AOPEP: variants seen among roughly 807,000 people sequenced by gnomAD.
AOPEP encodes the protein aminopeptidase O.
AOPEP carries 77 observed loss-of-function variants against 98.1 expected under a neutral mutation model. That is an observed-to-expected ratio of 0.78 (90% CI 0.65 to 0.95). AOPEP has a LOEUF of 0.95. Ranked by LOEUF, AOPEP falls within the 40% of genes least tolerant of loss-of-function variation. The pLI is 0.00. For synonymous variants in AOPEP, 346 were observed against 365.3 expected, an observed-to-expected ratio of 0.95 and a Z score of 0.60; for missense variants, 1,024 against 1,024.7, an observed-to-expected ratio of 1.00 and a Z score of 0.01.
chr9:94,737,204 C>T (rs1831973987), intron 1 of AOPEP, among the ~76,000 whole-genome samples: 1 of 151,978 alleles, frequency 6.6e-6, no homozygotes, highest in Non-Finnish European at 1.5e-5. Context: ...CTCCTGGGCT[C>T]AAGCGATCCT....
intron 5 of AOPEP, among the ~76,000 whole-genome samples, chr9:94,874,523 T>C (rs1339435889): frequency 6.6e-6 from 1 of 152,222 alleles, no homozygotes; most frequent in Non-Finnish European, 1.5e-5. Flanking sequence ...GTAATTCTGC[T>C]TCCATTTGGT....
At chr9:94,905,801 A>G (rs530902897) in intron 5 of AOPEP, among the ~76,000 whole-genome samples, 3 of 152,248 alleles carry the variant, frequency 2.0e-5, no homozygotes, top group African/African-American at 7.2e-5. Context: ...CATCACTAAC[A>G]ACTGCCAACA....
At chr9:95,094,709 C>G in the AOPEP span, among the ~76,000 whole-genome samples, 7 of 152,310 alleles carry the variant, frequency 4.6e-5, no homozygotes, top group African/African-American at 1.7e-4. Context: ...CTCTGCTGCC[C>G]AAGTGGAGTG....
intron 14 of AOPEP, among the ~76,000 whole-genome samples, chr9:95,067,664 G>T (rs1439011387): frequency 6.6e-6 from 1 of 152,182 alleles, no homozygotes; most frequent in East Asian, 1.9e-4. Flanking sequence ...TTAGGGTGAG[G>T]GGTAACTGTT....
chr9:95,005,993 C>T (rs763342296), intron 13 of AOPEP: 1 of 485,206 alleles, frequency 2.1e-6, no homozygotes, highest in Non-Finnish European at 4.2e-6. Context: ...TACTTTCTCT[C>T]ACCTAGACTT....
Position 94,861,801 on chromosome 9 carries a change from T to C in AOPEP, c.1364+60799T>C, listed in dbSNP as rs2045040677. Reference sequence around the variant, plus strand: ...TGGTGCAGCCTGGATTCCACAGCCATCCTCCCTGTAACTGCATGGGTCGGG... The same window carrying C: ...TGGTGCAGCCTGGATTCCACAGCCACCCTCCCTGTAACTGCATGGGTCGGG... On this transcript the variant is annotated intron_variant, in intron 5 of 16. Coordinates refer to ENST00000375315, the MANE Select transcript of AOPEP (RefSeq NM_001193329.3). Among the ~76,000 whole-genome samples the C allele has an allele frequency of 2.0e-5, 3 of 152,170 alleles. No individual in the cohort carries two copies. The South Asian group carries it at 6.2e-4, about 32-fold the overall frequency.
chr9:94,932,909 T>C lies in AOPEP; in HGVS notation c.1661+4378T>C, dbSNP rs189794463. ...CCTAGCCTTCTCAGCCTTCATTGGC[T>C]GGAGAGCCTGTAATGTGGCTACAGG... is the stretch of plus-strand genomic sequence containing the variant. On this transcript the variant is annotated intron_variant, in intron 7 of 16. Coordinates refer to ENST00000375315, the MANE Select transcript of AOPEP (RefSeq NM_001193329.3). The C allele has an allele frequency of 1.4e-3, 1,414 of 985,426 alleles. 18 individuals are homozygous for C. In the African/African-American group the frequency reaches 0.023, roughly 16 times the overall value. 61.0% of individuals were successfully genotyped at this position (985,426 alleles called of 1,614,324 possible). A position where few individuals can be genotyped will look rare whatever the true frequency, so the allele number is the denominator to read the frequency against.
At chr9:95,123,823 T>C in the AOPEP span, 9 of 675,040 alleles carry the variant, frequency 1.3e-5, no homozygotes, top group African/African-American at 7.1e-5. Flanking sequence ...TACTCCAATT[T>C]AGACCTGCGG....
intron 2 of AOPEP, among the ~76,000 whole-genome samples, chr9:94,765,552 T>C (rs1839408303): frequency 6.6e-6 from 1 of 150,786 alleles, no homozygotes; most frequent in African/African-American, 2.4e-5. Context: ...CAGTGGGTCA[T>C]GTTTGTGCCA....
chr9:94,800,732 A>C lies in AOPEP; in HGVS notation c.1119-25A>C, dbSNP rs541357583. 17 of 1,611,046 alleles carry C rather than the reference A, an allele frequency of 1.1e-5. No homozygotes were observed. The African/African-American group carries it at 2.3e-4, about 21-fold the overall frequency. Reference sequence around the variant, plus strand: ...ACAGCAAGAATAATAAACATGTTTTACCATTTATTTTGTGTTATTCCCAGG... The same window carrying C: ...ACAGCAAGAATAATAAACATGTTTTCCCATTTATTTTGTGTTATTCCCAGG... On this transcript the variant is annotated intron_variant, in intron 4 of 16. Coordinates refer to ENST00000375315, the MANE Select transcript of AOPEP (RefSeq NM_001193329.3).
chr9:95,031,708 CG>C (rs1564547599), intron 13 of AOPEP, among the ~76,000 whole-genome samples: 1 of 152,186 alleles, frequency 6.6e-6, no homozygotes, highest in Non-Finnish European at 1.5e-5. Flanking sequence ...CCCGATTCTC[CG>C]GGTAGGGGGG....
rs1848019825 is a variant in AOPEP, at chr9:94,800,682, A to C, written c.1119-75A>C. 4 of 1,530,484 alleles carry C rather than the reference A, an allele frequency of 2.6e-6. No homozygotes were observed. In the East Asian group the frequency reaches 9.0e-5, roughly 35 times the overall value. 94.8% of individuals were successfully genotyped at this position (1,530,484 alleles called of 1,614,324 possible). On this transcript the variant is annotated intron_variant, in intron 4 of 16. Transcript: ENST00000375315. Reference sequence around the variant, plus strand: ...AACCTCTGTCTCCTAAAAGTTGTCTACATCTGCAAGATTGCCTCACCTCCA... The same window carrying C: ...AACCTCTGTCTCCTAAAAGTTGTCTCCATCTGCAAGATTGCCTCACCTCCA...
At chr9:95,111,465 T>C in the AOPEP span, 86 of 1,612,410 alleles carry the variant, frequency 5.3e-5, no homozygotes, top group Non-Finnish European at 7.2e-5. Context: ...CTACCCACCA[T>C]AGTCTGTGCT....
At chr9:94,858,441 G>A (rs1042562029) in intron 5 of AOPEP, among the ~76,000 whole-genome samples, 9 of 152,162 alleles carry the variant, frequency 5.9e-5, no homozygotes, top group Non-Finnish European at 1.0e-4. Flanking sequence ...AAATCAGTAC[G>A]ACCAGTAGGC....
chr9:94,766,236 G>A (rs1347745852), intron 2 of AOPEP, among the ~76,000 whole-genome samples: 1 of 152,106 alleles, frequency 6.6e-6, no homozygotes, highest in Non-Finnish European at 1.5e-5. Context: ...TGAAGAAAAC[G>A]TTATTTAAAA....
chr9:94,817,452 C>T (rs948169198), intron 5 of AOPEP, among the ~76,000 whole-genome samples: 2 of 152,336 alleles, frequency 1.3e-5, no homozygotes, highest in East Asian at 1.9e-4. Flanking sequence ...TTACAATTGG[C>T]CAGCTCCATG....
At chr9:94,957,351 G>A (rs1397338408) in intron 9 of AOPEP, among the ~76,000 whole-genome samples, 1 of 152,108 alleles carries the variant, frequency 6.6e-6, no homozygotes, top group Non-Finnish European at 1.5e-5. Flanking sequence ...GGGATTACAG[G>A]CGCTTGCCAC....
intron 13 of AOPEP, among the ~76,000 whole-genome samples, chr9:95,034,611 C>T (rs2064615045): frequency 6.6e-6 from 1 of 152,218 alleles, no homozygotes; most frequent in African/African-American, 2.4e-5. Flanking sequence ...CACACAGTGG[C>T]CTGCGAGGCC....
intron 7 of AOPEP, among the ~76,000 whole-genome samples, chr9:94,947,951 G>A (rs1236444726): frequency 3.3e-5 from 5 of 152,170 alleles, no homozygotes; most frequent in African/African-American, 1.2e-4. Context: ...GCCCACCCTT[G>A]TGCTTACTAT....
Sources: allele counts gnomAD v4.1 joint callset (sites outside exome capture counted in the v4.1 genomes callset), GRCh38; gene constraint gnomAD v4.1.1; transcripts MANE v1.5; gene names NCBI Gene and HGNC (gene_info 2026-07-23, HGNC 2026-07-21).